RAPGEF2: variants seen among roughly 807,000 people sequenced by gnomAD.
RAPGEF2 encodes the protein PDZ domain containing guanine nucleotide exchange factor (GEF) 1.
RAPGEF2 carries 54 observed loss-of-function variants against 186.7 expected under a neutral mutation model. The ratio of observed to expected loss-of-function variants is 0.29; its 90% confidence interval spans 0.23 to 0.36. The LOEUF is 0.36. Ranked by LOEUF, RAPGEF2 falls within the 10% of genes least tolerant of loss-of-function variation. RAPGEF2 has a pLI of 1.00. For missense variants in RAPGEF2, 1,532 were observed against 2,045.0 expected (o/e 0.75, Z 4.84); for synonymous variants, 712 against 705.9 (o/e 1.01, Z -0.14).
intron 1 of RAPGEF2, among the ~76,000 whole-genome samples, chr4:159,138,800 T>C (rs1018973887): frequency 6.6e-6 from 1 of 152,214 alleles, no homozygotes; most frequent in Non-Finnish European, 1.5e-5. Flanking sequence ...ATAAAACTCT[T>C]CTCTGACACC....
chr4:159,219,278 G>A (rs1385126215), intron 4 of RAPGEF2, among the ~76,000 whole-genome samples: 2 of 149,650 alleles, frequency 1.3e-5, no homozygotes, highest in African/African-American at 2.5e-5. Context: ...GGCGGTATAT[G>A]TATTGTTCTT....
At position 159,204,238 on chromosome 4, in the gene RAPGEF2, AT is replaced by A. The variant is rs569313908; in HGVS notation, c.198-6258del. On this transcript the variant is annotated intron_variant, in intron 3 of 29. Coordinates refer to ENST00000691494, the MANE Select transcript of RAPGEF2 (RefSeq NM_001394067.2). The stretch of plus-strand genomic sequence containing the variant: ...AACAATGAAATTAGATGGGCTAAGT[AT>A]TTTAGAGTTTGGAAAACAGTGAGTG... 6.0e-3 allele frequency among the ~76,000 whole-genome samples: 919 copies of A among 152,350 alleles called. 33 individuals are homozygous for A. Among genetic ancestry groups the A allele is most frequent in the East Asian group, 1.7e-3 (9 of 5,190 alleles).
intron 7 of RAPGEF2, among the ~76,000 whole-genome samples, chr4:159,266,406 C>A (rs992906952): frequency 6.6e-6 from 1 of 152,138 alleles, no homozygotes; most frequent in East Asian, 1.9e-4. Context: ...GATAGATAAA[C>A]CTGATTGTGA....
At chr4:159,128,877 CA>C (rs1740673681) in intron 1 of RAPGEF2, 1 of 143,562 alleles carries the variant, frequency 7.0e-6, no homozygotes, top group South Asian at 2.4e-4. Flanking sequence ...AAGACTTTGC[CA>C]CTCTTGAAAG....
intron 1 of RAPGEF2, among the ~76,000 whole-genome samples, chr4:159,121,152 C>T (rs1281149011): frequency 2.0e-5 from 3 of 151,886 alleles, no homozygotes; most frequent in Non-Finnish European, 4.4e-5. Context: ...TGCACCCGGC[C>T]GATCTTTGAA....
intron 10 of RAPGEF2, 71 bp from the exon 11 acceptor site, chr4:159,323,388 G>A (rs1765494620): frequency 1.6e-6 from 2 of 1,264,846 alleles, no homozygotes; most frequent in Admixed American, 2.5e-5. Flanking sequence ...CATTTTTAGG[G>A]ACCATACTGG....
Position 159,324,187 on chromosome 4 carries a change from G to A in RAPGEF2, c.1149+570G>A, listed in dbSNP as rs183906856. ...TGGGATTACAGGTGTGAGCCACTGCGCCTGGCCTTTTTGTATTTTTAGTAG... is the reference window on the plus strand; with the variant it reads ...TGGGATTACAGGTGTGAGCCACTGCACCTGGCCTTTTTGTATTTTTAGTAG... On this transcript the variant is annotated intron_variant, in intron 11 of 29. Transcript: ENST00000691494. Among the ~76,000 whole-genome samples the A allele has an allele frequency of 3.0e-3, 453 of 152,008 alleles. 3 individuals carry two copies. The highest frequency in any genetic ancestry group is 0.01 in the African/African-American group (425 of 41,430).
At chr4:159,339,534 C>CA (rs1052725647) in intron 19 of RAPGEF2, among the ~76,000 whole-genome samples, 180 bp downstream of exon 19, 3 of 151,892 alleles carry the variant, frequency 2.0e-5, no homozygotes, top group African/African-American at 7.3e-5. Flanking sequence ...CAAATGCACA[C>CA]AGTCGACTAC....
intron 4 of RAPGEF2, among the ~76,000 whole-genome samples, chr4:159,232,126 A>G (rs1401822405): frequency 6.6e-6 from 1 of 152,174 alleles, no homozygotes; most frequent in Non-Finnish European, 1.5e-5. Context: ...AAAATTATGT[A>G]AAATATGTCA....
chr4:159,268,007 A>G lies in RAPGEF2; in HGVS notation c.543+24216A>G, dbSNP rs142741582. 2.8e-6 allele frequency: 4 copies of G among 1,439,772 alleles called. No homozygotes were observed. In the East Asian group the frequency reaches 7.5e-5, roughly 27 times the overall value. The allele number at this position is 1,439,772 out of a possible 1,614,324, so 89.2% of individuals were successfully genotyped here. On this transcript the variant is annotated intron_variant, in intron 7 of 29. Coordinates refer to ENST00000691494, the MANE Select transcript of RAPGEF2 (RefSeq NM_001394067.2). ...AGTGTGAAGGGTTTTTAAGCTTACC[A>G]GTAGTGACACTTTAAGCTGCAGCTT...
Position 159,268,123 on chromosome 4 carries a change from G to A in RAPGEF2, c.543+24332G>A, listed in dbSNP as rs372108584. 96 of 1,611,992 alleles carry A rather than the reference G, an allele frequency of 6.0e-5. 1 individual carries two copies. The highest frequency in any genetic ancestry group is 2.5e-5 in the Non-Finnish European group (29 of 1,179,080). The stretch of plus-strand genomic sequence containing the variant: ...CCATCGTGAGAGATTGGTACATGAT[G>A]TGTAAATTCAGTTCAGCATATGTTT... On this transcript the variant is annotated intron_variant, in intron 7 of 29. Transcript: ENST00000691494.
chr4:159,307,644 A>T (rs1763464392), intron 8 of RAPGEF2, among the ~76,000 whole-genome samples: 1 of 152,212 alleles, frequency 6.6e-6, no homozygotes, highest in Non-Finnish European at 1.5e-5. Flanking sequence ...AACTTGGATG[A>T]AACTCCTAAA....
chr4:159,237,968 T>G (rs990864510), intron 4 of RAPGEF2, among the ~76,000 whole-genome samples: 4 of 149,992 alleles, frequency 2.7e-5, no homozygotes, highest in African/African-American at 9.9e-5. Context: ...CAGTGAGCTG[T>G]GATTGTGCCA....
At chr4:159,193,304 A>C in intron 3 of RAPGEF2, 48 bp downstream of exon 3, 3 of 1,232,280 alleles carry the variant, frequency 2.4e-6, no homozygotes, top group Non-Finnish European at 2.2e-6. Context: ...CCAGTGACTA[A>C]ATTTTCTTAA....
intron 4 of RAPGEF2, among the ~76,000 whole-genome samples, chr4:159,234,608 T>C (rs1753026111): frequency 6.8e-6 from 1 of 146,632 alleles, no homozygotes. Flanking sequence ...CAGGCTGGAA[T>C]GCAGTGGTGT....
intron 8 of RAPGEF2, among the ~76,000 whole-genome samples, chr4:159,306,857 T>TA (rs1402989711): frequency 6.6e-6 from 1 of 152,182 alleles, no homozygotes; most frequent in African/African-American, 2.4e-5. Context: ...CTTGTGTTTT[T>TA]AAAAAATTAT....
intron 4 of RAPGEF2, among the ~76,000 whole-genome samples, chr4:159,223,568 C>T (rs1214711427): frequency 6.6e-6 from 1 of 152,124 alleles, no homozygotes; most frequent in Non-Finnish European, 1.5e-5. Context: ...ATTTAGAAAA[C>T]AGTCATTAGG....
chr4:159,183,435 T>G (rs1747225781), intron 1 of RAPGEF2, among the ~76,000 whole-genome samples: 1 of 152,204 alleles, frequency 6.6e-6, no homozygotes, highest in African/African-American at 2.4e-5. Flanking sequence ...CAGACCTCAA[T>G]GTAAGAGCTA....
At chr4:159,196,498 T>C (rs776016591) in intron 3 of RAPGEF2, among the ~76,000 whole-genome samples, 4 of 152,124 alleles carry the variant, frequency 2.6e-5, no homozygotes, top group Non-Finnish European at 5.9e-5. Context: ...CTTCTAAGTC[T>C]ATGGTTTCAA....
Sources: allele counts gnomAD v4.1 joint callset (sites outside exome capture counted in the v4.1 genomes callset), GRCh38; gene constraint gnomAD v4.1.1; transcripts MANE v1.5; gene names NCBI Gene and HGNC (gene_info 2026-07-23, HGNC 2026-07-21).